The following GPR151 variants were observed in gnomAD, a reference collection of about 807,000 sequenced individuals.
The protein encoded by GPR151 is G protein-coupled receptor 151, also known as G-protein coupled receptor PGR7.
GPR151 carries 16 observed loss-of-function variants against 18.2 expected under a neutral mutation model. The observed-to-expected ratio is 0.88, with a 90% CI of 0.60 to 1.34. GPR151 has a LOEUF of 1.34. Among genes scored for constraint, GPR151 ranks in the 40% most tolerant of loss-of-function variants. GPR151 has a pLI of 0.00. For missense variants in GPR151, 509 were observed against 504.3 expected, an observed-to-expected ratio of 1.01 and a Z score of -0.09; for synonymous variants, 202 against 191.2, an observed-to-expected ratio of 1.06 and a Z score of -0.47.
rs940468798 is a variant in GPR151 at position 146,513,623 on chromosome 5, T to C, written c.*1231A>G. ...GCAGAAATATATCATAATCATGTTT[T>C]ATTGGGTATGTTTTACCTTGCTATA... is the stretch of plus-strand genomic sequence containing the variant. On this transcript the variant is annotated 3_prime_UTR_variant, in exon 1 of 1. Transcript: ENST00000311104. The C allele has an allele frequency of 2.6e-5, 4 of 152,062 alleles. No homozygotes were observed. 9.4% of individuals were successfully genotyped at this position (152,062 alleles called of 1,614,324 possible). A position where few individuals can be genotyped will look rare whatever the true frequency, so the allele number is the denominator to read the frequency against.
rs1276630896 is a variant in GPR151, at chr5:146,515,325, C to T, written c.789G>A (p.Trp263Ter). 1.9e-6 allele frequency: 3 copies of T among 1,614,170 alleles called. No homozygotes were observed. In the East Asian group the frequency reaches 6.7e-5, roughly 36 times the overall value. Residue 263 changes from tryptophan to a stop codon, truncating the protein, a stop_gained, in exon 1 of 1, where the codon TGG becomes TGA. Coordinates refer to ENST00000311104, the MANE Select transcript of GPR151 (RefSeq NM_194251.3). LOFTEE classifies it high-confidence loss of function. ...LSIAIISALL[W>*]LPEWVAWLWV... The stretch of plus-strand genomic sequence containing the variant: ...ACAGCCAAGCTACCCATTCGGGGAG[C>T]CACAAGAGAGCAGAGATGATGGCAA...
At position 146,514,513 on chromosome 5, in the gene GPR151, G is replaced by T. The variant is rs1768566321; in HGVS notation, c.*341C>A. Reference sequence around the variant, plus strand: ...GCTCAGCTTTGACAGAACCTCTACTGCAGGCTCCAGCCGGTCCACTACAGG... The same window carrying T: ...GCTCAGCTTTGACAGAACCTCTACTTCAGGCTCCAGCCGGTCCACTACAGG... On this transcript the variant is annotated 3_prime_UTR_variant, in exon 1 of 1. Transcript: ENST00000311104. 1 of 195,808 alleles carries T rather than the reference G, an allele frequency of 5.1e-6. No homozygotes were observed. The allele number at this position is 195,808 out of a possible 1,614,324, so 12.1% of individuals were successfully genotyped here.
chr5:146,513,940 A>G lies in GPR151; in HGVS notation c.*914T>C, dbSNP rs1358494447. 6.6e-6 allele frequency: 1 copy of G among 152,184 alleles called. No individual in the cohort carries two copies. The highest frequency in any genetic ancestry group is 2.4e-5 in the African/African-American group (1 of 41,458). 9.4% of individuals were successfully genotyped at this position (152,184 alleles called of 1,614,324 possible). A position where few individuals can be genotyped will look rare whatever the true frequency, so the allele number is the denominator to read the frequency against. Reference sequence around the variant, plus strand: ...ATCACCATCTCCATCTTCTATTTGTATTTGAGGAGTAATCTATACCTATAT... The same window carrying G: ...ATCACCATCTCCATCTTCTATTTGTGTTTGAGGAGTAATCTATACCTATAT... On this transcript the variant is annotated 3_prime_UTR_variant, in exon 1 of 1. Coordinates refer to ENST00000311104, the MANE Select transcript of GPR151 (RefSeq NM_194251.3).
At position 146,515,300 on chromosome 5, in the gene GPR151, A is replaced by G. The variant is rs373698897; in HGVS notation, c.814T>C (p.Trp272Arg). The G allele has an allele frequency of 6.2e-7, 1 of 1,614,186 alleles. No homozygotes were observed. The highest frequency in any genetic ancestry group is 8.5e-7 in the Non-Finnish European group (1 of 1,180,036). The change falls in exon 1 of 1, where the codon TGG (tryptophan) becomes CGG (arginine). Residue 272 changes from tryptophan to arginine, a missense_variant. Physicochemically the swap from Trp to Arg is moderately radical, Grantham distance 101. Transcript: ENST00000311104. ...CCTGCAGCCTTCAGATGCCATACCCACAGCCAAGCTACCCATTCGGGGAGC... is the reference window on the plus strand; with the variant it reads ...CCTGCAGCCTTCAGATGCCATACCCGCAGCCAAGCTACCCATTCGGGGAGC... ...LWLPEWVAWL[W>R]VWHLKAAGPA... is the part of the protein sequence containing the mutation.
Position 146,513,539 on chromosome 5 carries a change from C to G in GPR151, c.*1315G>C, listed in dbSNP as rs1000706697. ...TGAGGGAAACTTTCAGTGAAAATAC[C>G]CGAGTTCCATAACAAAGTAATCAAG... On this transcript the variant is annotated 3_prime_UTR_variant, in exon 1 of 1. Coordinates refer to ENST00000311104, the MANE Select transcript of GPR151 (RefSeq NM_194251.3). 4 of 151,840 alleles carry G rather than the reference C, an allele frequency of 2.6e-5. No homozygotes were observed. The highest frequency in any genetic ancestry group is 9.7e-5 in the African/African-American group (4 of 41,182). The allele number at this position is 151,840 out of a possible 1,614,324, so 9.4% of individuals were successfully genotyped here. A position where few individuals can be genotyped will look rare whatever the true frequency, so the allele number is the denominator to read the frequency against.
rs569162805 is a variant in GPR151, at chr5:146,515,061, T to A, written c.1053A>T (p.Pro351=). ...GTATGGATGCTGGGGATTCTGGAGA[T>A]GGAACCTTGTCAGGAAGACCCTCTG... The part of the protein sequence containing the change: ...GNSEGLPDKV[P]SPESPASIPE... Residue 351 remains proline, a synonymous_variant, in exon 1 of 1, where the codon CCA becomes CCT. Coordinates refer to ENST00000311104, the MANE Select transcript of GPR151 (RefSeq NM_194251.3). The A allele has an allele frequency of 6.2e-7, 1 of 1,614,200 alleles. No homozygotes were observed. The highest frequency in any genetic ancestry group is 1.7e-5 in the Admixed American group (1 of 60,024).
At position 146,515,794 on chromosome 5, in the gene GPR151, C is replaced by G. The variant is rs768387975; in HGVS notation, c.320G>C (p.Gly107Ala). ...GTCAGAGGACTTGCAGACAAACCAGCCTAGATCCCAAACACTTTTGGAGTA... is the reference window on the plus strand; with the variant it reads ...GTCAGAGGACTTGCAGACAAACCAGGCTAGATCCCAAACACTTTTGGAGTA... ...TAYSKSVWDL[G>A]WFVCKSSDWF... The change falls in exon 1 of 1, where the codon GGC becomes GCC. Residue 107 changes from glycine (G) to alanine (A), a missense_variant. By Grantham distance (60) the Gly-to-Ala change is moderately conservative (BLOSUM62 0). Coordinates refer to ENST00000311104, the MANE Select transcript of GPR151 (RefSeq NM_194251.3). The G allele has an allele frequency of 3.1e-6, 5 of 1,614,198 alleles. No individual in the cohort carries two copies. The East Asian group carries it at 8.9e-5, about 29-fold the overall frequency.
rs780619096 is a variant in GPR151, at chr5:146,515,185, G to A, written c.929C>T (p.Ser310Leu). 2.2e-5 allele frequency: 35 copies of A among 1,613,880 alleles called. No homozygotes were observed. The African/African-American group carries it at 2.3e-4, about 10-fold the overall frequency. ...TTTCAAGCCTTCCCTGAACTCTTCC[G>A]ACATCACAAGAAAAATGAGAGGATT... ...SANPLIFLVM[S>L]EEFREGLKGV... Residue 310 changes from serine (S) to leucine (L), a missense_variant, in exon 1 of 1, where the codon TCG (serine) becomes TTG (leucine). Ser to Leu is a moderately radical substitution (Grantham distance 145). Transcript: ENST00000311104.
In GPR151 at chr5:146,515,359, A is replaced by G; in HGVS notation, c.755T>C (p.Leu252Pro). 6.2e-7 allele frequency: 1 copy of G among 1,614,216 alleles called. No homozygotes were observed. Among genetic ancestry groups the G allele is most frequent in the Non-Finnish European group, 8.5e-7 (1 of 1,180,038 alleles). Residue 252 changes from leucine to proline, a missense_variant, in exon 1 of 1, where the codon CTG becomes CCG. By Grantham distance (98) the Leu-to-Pro change is moderately conservative. Transcript: ENST00000311104. ...AGCAGAGATGATGGCAATGCTCAGC[A>G]GCATCACTGTGACTTGCTTTGAGCG... ...QIRSKQVTVM[L>P]LSIAIISALL...
Position 146,514,966 on chromosome 5 carries a change from A to G in GPR151, c.1148T>C (p.Leu383Pro), listed in dbSNP as rs775200644. 41 of 1,614,198 alleles carry G rather than the reference A, an allele frequency of 2.5e-5. No homozygotes were observed. In the Middle Eastern group the frequency reaches 6.6e-4, roughly 26 times the overall value. Residue 383 changes from leucine to proline, a missense_variant, in exon 1 of 1, where the codon CTT becomes CCT. Transcript: ENST00000311104. The stretch of plus-strand genomic sequence containing the variant: ...ATGCCAAAACTGCTCTACGTCAGGA[A>G]GGATGGGAATCTCTGCCTTCTCAGT... Reference protein sequence around the residue: ...GKTEKAEIPILPDVEQFWHER... With the variant: ...GKTEKAEIPIPPDVEQFWHER...
At position 146,515,830 on chromosome 5, in the gene GPR151, C is replaced by T. The variant is rs202094841; in HGVS notation, c.284G>A (p.Arg95Gln). The change falls in exon 1 of 1, where the codon CGA (arginine) becomes CAA (glutamine). Residue 95 changes from arginine to glutamine, a missense_variant. Arg to Gln is a conservative substitution (Grantham distance 43). Transcript: ENST00000311104. ...AACACTTTTGGAGTACGCCGTAGCT[C>T]GGATAGGTGCAGAAAACAGCAGGAG... Reference protein sequence around the residue: ...LSLLLFSAPIRATAYSKSVWD... With the variant: ...LSLLLFSAPIQATAYSKSVWD... 25 of 1,614,090 alleles carry T rather than the reference C, an allele frequency of 1.5e-5. 1 individual carries two copies. The Admixed American group carries it at 1.8e-4, about 12-fold the overall frequency.
At position 146,515,972 on chromosome 5, in the gene GPR151, G is replaced by C. The variant is rs145120564; in HGVS notation, c.142C>G (p.Leu48Val). The C allele has an allele frequency of 4.8e-5, 78 of 1,613,976 alleles. No individual in the cohort carries two copies. Among genetic ancestry groups the C allele is most frequent in the Non-Finnish European group, 6.3e-5 (74 of 1,180,026 alleles). ...IIPALLVAVCLVGFVGNLCVI... is the reference protein window; with the variant it reads ...IIPALLVAVCVVGFVGNLCVI... ...CACAGGTTTCCCACGAAGCCCACCA[G>C]GCAGACAGCCACCAAGAGAGCCGGG... The change falls in exon 1 of 1, where the codon CTG (leucine) becomes GTG (valine). Residue 48 changes from leucine to valine, a missense_variant. Transcript: ENST00000311104.
rs1309247725 is a variant in GPR151, at chr5:146,515,161, T to C, written c.953A>G (p.Lys318Arg). The C allele has an allele frequency of 6.2e-7, 1 of 1,614,022 alleles. No homozygotes were observed. The highest frequency in any genetic ancestry group is 2.2e-5 in the East Asian group (1 of 44,890). ...GGTTATCATCCATTTCCATACACCTTTCAAGCCTTCCCTGAACTCTTCCGA... is the reference window on the plus strand; with the variant it reads ...GGTTATCATCCATTTCCATACACCTCTCAAGCCTTCCCTGAACTCTTCCGA... ...VMSEEFREGL[K>R]GVWKWMITKK... Residue 318 changes from lysine (K) to arginine (R), a missense_variant, in exon 1 of 1, where the codon AAA becomes AGA. By Grantham distance (26) the Lys-to-Arg change is conservative. Transcript: ENST00000311104.
At position 146,515,747 on chromosome 5, in the gene GPR151, C is replaced by G. The variant is rs267600472; in HGVS notation, c.367G>C (p.Ala123Pro). Reference sequence around the variant, plus strand: ...ACAACGATTGTCAGGCTCTTGGCTGCCATGCATGTGTGGATAAACCAGTCA... The same window carrying G: ...ACAACGATTGTCAGGCTCTTGGCTGGCATGCATGTGTGGATAAACCAGTCA... ...SSDWFIHTCM[A>P]AKSLTIVVVA... The change falls in exon 1 of 1, where the codon GCA becomes CCA. Residue 123 changes from alanine to proline, a missense_variant. Coordinates refer to ENST00000311104, the MANE Select transcript of GPR151 (RefSeq NM_194251.3). The G allele has an allele frequency of 1.1e-5, 18 of 1,614,050 alleles. No homozygotes were observed. The highest frequency in any genetic ancestry group is 1.5e-5 in the Non-Finnish European group (18 of 1,180,040).
chr5:146,515,916 C>A lies in GPR151; in HGVS notation c.198G>T (p.Trp66Cys), dbSNP rs1768611369. 2 of 1,613,960 alleles carry A rather than the reference C, an allele frequency of 1.2e-6. No homozygotes were observed. The highest frequency in any genetic ancestry group is 2.7e-5 in the African/African-American group (2 of 74,896). Residue 66 changes from tryptophan (W) to cysteine (C), a missense_variant, in exon 1 of 1, where the codon TGG (tryptophan) becomes TGT (cysteine). Physicochemically the swap from Trp to Cys is radical, Grantham distance 215. Coordinates refer to ENST00000311104, the MANE Select transcript of GPR151 (RefSeq NM_194251.3). ...CVIGILLHNAWKGKPSMIHSL... is the reference protein window; with the variant it reads ...CVIGILLHNACKGKPSMIHSL... Reference sequence around the variant, plus strand: ...AGTGGATCATGGATGGCTTTCCTTTCCAAGCATTGTGAAGGAGGATGCCAA... The same window carrying A: ...AGTGGATCATGGATGGCTTTCCTTTACAAGCATTGTGAAGGAGGATGCCAA...
rs759311410 is a variant in GPR151 at position 146,515,823 on chromosome 5, C to G, written c.291G>C (p.Thr97=). ...LLLFSAPIRA[T]AYSKSVWDLG... ...GATCCCAAACACTTTTGGAGTACGCCGTAGCTCGGATAGGTGCAGAAAACA... is the reference window on the plus strand; with the variant it reads ...GATCCCAAACACTTTTGGAGTACGCGGTAGCTCGGATAGGTGCAGAAAACA... The change falls in exon 1 of 1, where the codon ACG becomes ACC. Residue 97 remains threonine (T), a synonymous_variant. Coordinates refer to ENST00000311104, the MANE Select transcript of GPR151 (RefSeq NM_194251.3). The G allele has an allele frequency of 2.5e-6, 4 of 1,613,964 alleles. No homozygotes were observed. The highest frequency in any genetic ancestry group is 1.7e-6 in the Non-Finnish European group (2 of 1,180,032).
At position 146,514,891 on chromosome 5, in the gene GPR151, TC is replaced by T; in HGVS notation, c.1222del (p.Glu408AsnfsTer64). ...TTCCCCTGTCTCTTGATCTTCATGT[TC>T]CCAGGGGATAGGGTCATTGTCCTGT... ...SVQDNDPIPW[E>X]HEDQETGEGV... On this transcript the variant is annotated frameshift_variant, in exon 1 of 1. Transcript: ENST00000311104. LOFTEE classifies it high-confidence loss of function. 6.2e-7 allele frequency: 1 copy of T among 1,603,984 alleles called. No homozygotes were observed. The highest frequency in any genetic ancestry group is 8.5e-7 in the Non-Finnish European group (1 of 1,175,478).
chr5:146,514,664 T>A lies in GPR151; in HGVS notation c.*190A>T, dbSNP rs1768568822. On this transcript the variant is annotated 3_prime_UTR_variant, in exon 1 of 1. Coordinates refer to ENST00000311104, the MANE Select transcript of GPR151 (RefSeq NM_194251.3). ...ATTGTTTGGGAAGCCAAGTTCTAAT[T>A]CTGAAACAATTATTACTTCTAACAT... The A allele has an allele frequency of 1.9e-6, 1 of 523,394 alleles. No individual in the cohort carries two copies. The highest frequency in any genetic ancestry group is 3.3e-6 in the Non-Finnish European group (1 of 303,202). The allele number at this position is 523,394 out of a possible 1,614,324, so 32.4% of individuals were successfully genotyped here.
rs1561719239 is a variant in GPR151, at chr5:146,515,525, CTT to C, written c.587_588del (p.Glu196GlyfsTer8). The C allele has an allele frequency of 6.2e-7, 1 of 1,614,160 alleles. No individual in the cohort carries two copies. On this transcript the variant is annotated frameshift_variant, in exon 1 of 1. Coordinates refer to ENST00000311104, the MANE Select transcript of GPR151 (RefSeq NM_194251.3). LOFTEE classifies it high-confidence loss of function. ...MCLVDVPAVA[E>X]EFMSMFGKLY... Reference sequence around the variant, plus strand: ...AGCTTACCAAACATCGACATAAACTCTTCAGCCACAGCTGGTACATCCACGAG... The same window carrying C: ...AGCTTACCAAACATCGACATAAACTCCAGCCACAGCTGGTACATCCACGAG...
Sources: gnomAD v4.1 joint callset for allele counts on GRCh38, gnomAD v4.1.1 for gene constraint, MANE v1.5 for transcripts, NCBI Gene and HGNC (gene_info 2026-07-23, HGNC 2026-07-21) for gene names.